Variants in CERS3 observed in about 807,000 individuals in gnomAD.
CERS3 encodes the protein LAG1 homolog, ceramide synthase 3.
CERS3 carries 33 observed loss-of-function variants against 50.3 expected under a neutral mutation model. That is an observed-to-expected ratio of 0.66 (90% CI 0.50 to 0.88). CERS3 has a LOEUF of 0.88. Among genes scored for constraint, CERS3 ranks in the 40% least tolerant of loss-of-function variants. CERS3 has a pLI of 0.00. For missense variants in CERS3, 470 were observed against 460.3 expected (o/e 1.02, Z -0.19); for synonymous variants, 176 against 155.2 (o/e 1.13, Z -0.99).
chr15:100,496,714 T>A (rs1359194697), intron 3 of CERS3, among the ~76,000 whole-genome samples: 1 of 152,180 alleles, frequency 6.6e-6, no homozygotes. Flanking sequence ...ATTTCCTTAT[T>A]CTTCCTTCAG....
rs1567581067 is a variant in CERS3 at position 100,401,333 on chromosome 15, C to T, written c.*1380G>A. 1 of 152,330 alleles carries T rather than the reference C, an allele frequency of 6.6e-6. No individual in the cohort carries two copies. The highest frequency in any genetic ancestry group is 1.5e-5 in the Non-Finnish European group (1 of 68,140). The allele number at this position is 152,330 out of a possible 1,614,324, so 9.4% of individuals were successfully genotyped here. Reference sequence around the variant, plus strand: ...CAGCCAGCAGCCACCTGAGAAGTCTCCCAGGTCAGCCCTGCACATTGTGCC... The same window carrying T: ...CAGCCAGCAGCCACCTGAGAAGTCTTCCAGGTCAGCCCTGCACATTGTGCC... On this transcript the variant is annotated 3_prime_UTR_variant, in exon 12 of 12. Coordinates refer to ENST00000679737, the MANE Select transcript of CERS3 (RefSeq NM_001378789.1).
chr15:100,420,736 G>A lies in CERS3; in HGVS notation c.1000-17871C>T, dbSNP rs1230549297. 2.0e-5 allele frequency among the ~76,000 whole-genome samples: 3 copies of A among 151,712 alleles called. No homozygotes were observed. The South Asian group carries it at 6.3e-4, about 32-fold the overall frequency. The stretch of plus-strand genomic sequence containing the variant: ...GCACATCAAAAAGCTTATCCACCAT[G>A]ATCAAGTGGGCTTCATCTCTGGGAT... On this transcript the variant is annotated intron_variant, in intron 11 of 11. Coordinates refer to ENST00000679737, the MANE Select transcript of CERS3 (RefSeq NM_001378789.1).
At chr15:100,420,037 C>A (rs1380417624) in intron 11 of CERS3, among the ~76,000 whole-genome samples, 1 of 141,256 alleles carries the variant, frequency 7.1e-6, no homozygotes, top group Non-Finnish European at 1.5e-5. Flanking sequence ...AAAGCAAGAG[C>A]AAACACATTC....
chr15:100,436,589 A>G (rs2033417705), intron 11 of CERS3, among the ~76,000 whole-genome samples: 1 of 152,156 alleles, frequency 6.6e-6, no homozygotes, highest in South Asian at 2.1e-4. Context: ...GTATACATAT[A>G]TAACAAACCT....
At chr15:100,416,511 T>C (rs1358776601) in intron 11 of CERS3, among the ~76,000 whole-genome samples, 1 of 152,184 alleles carries the variant, frequency 6.6e-6, no homozygotes, top group African/African-American at 2.4e-5. Flanking sequence ...CTGGGTAATT[T>C]GTAAAGGAAA....
intron 3 of CERS3, among the ~76,000 whole-genome samples, chr15:100,497,985 C>G (rs2035881247): frequency 6.6e-6 from 1 of 151,166 alleles, no homozygotes; most frequent in African/African-American, 2.4e-5. Flanking sequence ...CTTCTGCCTC[C>G]TGGGTTCAAG....
At chr15:100,504,490 G>A (rs979621812) in intron 2 of CERS3, among the ~76,000 whole-genome samples, 4 of 152,052 alleles carry the variant, frequency 2.6e-5, no homozygotes, top group South Asian at 2.1e-4. Context: ...TGATCCGCCC[G>A]CCTCAGCCTC....
At chr15:100,405,233 TAAAAAA>T (rs752244347) in intron 11 of CERS3, among the ~76,000 whole-genome samples, 4 of 34,892 alleles carry the variant, frequency 1.1e-4, no homozygotes, top group Non-Finnish European at 3.3e-4. Flanking sequence ...AACTCAATGG[TAAAAAA>T]AAAAAAAAAC....
chr15:100,419,495 AC>A (rs548086148), intron 11 of CERS3, among the ~76,000 whole-genome samples: 3,319 of 141,896 alleles, frequency 0.023, 35 homozygotes, highest in South Asian at 0.036. Context: ...AGACTTTAAT[AC>A]CCCACTGTCA....
chr15:100,491,104 A>G (rs1056413512), intron 3 of CERS3, among the ~76,000 whole-genome samples, 173 bp from the exon 4 acceptor site: 1 of 151,964 alleles, frequency 6.6e-6, no homozygotes, highest in Non-Finnish European at 1.5e-5. Flanking sequence ...GTTTCAGTCC[A>G]TACAAAAAAG....
chr15:100,483,489 G>C (rs2035378138), intron 5 of CERS3, among the ~76,000 whole-genome samples: 2 of 152,106 alleles, frequency 1.3e-5, no homozygotes, highest in South Asian at 4.1e-4. Context: ...TCTCCAGCCT[G>C]AACTCTGGAA....
chr15:100,507,546 C>T (rs1277914229), intron 2 of CERS3, among the ~76,000 whole-genome samples: 1 of 152,260 alleles, frequency 6.6e-6, no homozygotes, highest in Non-Finnish European at 1.5e-5. Context: ...CAGCCAGAAC[C>T]TCTGGGATCT....
intron 8 of CERS3, among the ~76,000 whole-genome samples, chr15:100,474,037 C>T (rs1238504614): frequency 6.6e-6 from 1 of 152,134 alleles, no homozygotes. Flanking sequence ...ACATAAAAGA[C>T]CAGGTATTAT....
intron 1 of CERS3, among the ~76,000 whole-genome samples, chr15:100,535,421 A>G (rs4638553): frequency 0.5 from 75,814 of 152,114 alleles, 19,302 homozygotes; most frequent in South Asian, 0.6. Flanking sequence ...AAGGATGTCA[A>G]GAATAAAAAT....
chr15:100,450,589 C>A (rs990258043), intron 11 of CERS3, among the ~76,000 whole-genome samples: 4 of 152,054 alleles, frequency 2.6e-5, no homozygotes, highest in African/African-American at 9.7e-5. Flanking sequence ...ACTTATTGAA[C>A]TTTTGGTGTT....
At chr15:100,457,648 T>C (rs1420389294) in intron 10 of CERS3, among the ~76,000 whole-genome samples, 2 of 152,248 alleles carry the variant, frequency 1.3e-5, no homozygotes, top group Admixed American at 1.3e-4. Flanking sequence ...GATATTTATA[T>C]GTGAACAGAA....
intron 11 of CERS3, among the ~76,000 whole-genome samples, chr15:100,433,945 T>G (rs1176809868): frequency 8.5e-5 from 13 of 152,246 alleles, no homozygotes; most frequent in Admixed American, 8.5e-4. Flanking sequence ...CTGTCTTGCA[T>G]GCAGGTAGAT....
intron 1 of CERS3, among the ~76,000 whole-genome samples, chr15:100,541,746 T>A (rs12438676): frequency 0.5 from 75,813 of 151,696 alleles, 19,239 homozygotes; most frequent in South Asian, 0.59. Flanking sequence ...TATTAAAAAA[T>A]GGAATAAAAA....
At chr15:100,427,941 C>A (rs375960266) in intron 11 of CERS3, among the ~76,000 whole-genome samples, 49 of 152,280 alleles carry the variant, frequency 3.2e-4, no homozygotes, top group African/African-American at 8.7e-4. Context: ...GAGAGAGCCA[C>A]GTCACTAAGT....
Sources: gnomAD v4.1 joint callset for allele counts (sites outside exome capture counted in the v4.1 genomes callset) on GRCh38, gnomAD v4.1.1 for gene constraint, MANE v1.5 for transcripts, NCBI Gene and HGNC (gene_info 2026-07-23, HGNC 2026-07-21) for gene names.